DNAJC7: variants seen among roughly 807,000 people sequenced by gnomAD.
The protein encoded by DNAJC7 is DnaJ heat shock protein family (Hsp40) member C7, also known as dnaJ homolog subfamily C member 7.
A neutral mutation model predicts 67.4 loss-of-function variants in DNAJC7; 18 were observed. The ratio of observed to expected loss-of-function variants is 0.27; its 90% CI spans 0.18 to 0.40. The LOEUF (loss-of-function observed/expected upper bound fraction) is 0.40, where lower values mean the gene tolerates loss of function less well. DNAJC7 is among the 10% of genes least tolerant of loss of function. The probability of loss-of-function intolerance (pLI) is 1.00; values close to 1 mark genes in which losing one functional copy is unlikely to be tolerated. For synonymous variants in DNAJC7, 220 were observed against 207.8 expected, an observed-to-expected ratio of 1.06 and a Z score of -0.50; for missense variants, 419 against 613.8, an observed-to-expected ratio of 0.68 and a Z score of 3.35.
intron 1 of DNAJC7, chr17:42,016,369 T>C (rs1372318338): frequency 6.6e-6 from 1 of 152,200 alleles, no homozygotes; most frequent in Non-Finnish European, 1.5e-5. Flanking sequence ...ATATAAAGTA[T>C]GTTGCAAAGA....
chr17:41,994,319 G>C lies in DNAJC7; in HGVS notation c.480+551C>G, dbSNP rs576560417. ...CCACTGTACTCCAGCCTGGGTGACA[G>C]AGTGAAACTCCATCTCAAAAAACAA... On this transcript the variant is annotated intron_variant, in intron 5 of 13. Transcript: ENST00000457167. 3.3e-5 allele frequency among the ~76,000 whole-genome samples: 5 copies of C among 152,110 alleles called. No individual in the cohort carries two copies. In the South Asian group the frequency reaches 1.0e-3, roughly 32 times the overall value.
Position 41,976,671 on chromosome 17 carries a change from T to G in DNAJC7, c.*62A>C. On this transcript the variant is annotated 3_prime_UTR_variant, in exon 14 of 14. Coordinates refer to ENST00000457167, the MANE Select transcript of DNAJC7 (RefSeq NM_003315.4). ...TGATGAAGGGAGGAGGTGAACTGTTTCCACATTCAAGATTAAACTGAGTGA... is the reference window on the plus strand; with the variant it reads ...TGATGAAGGGAGGAGGTGAACTGTTGCCACATTCAAGATTAAACTGAGTGA... 2 of 1,592,316 alleles carry G rather than the reference T, an allele frequency of 1.3e-6. No individual in the cohort carries two copies. The highest frequency in any genetic ancestry group is 1.1e-5 in the South Asian group (1 of 89,614).
chr17:41,992,566 G>A (rs1228340621), intron 5 of DNAJC7: 2 of 152,218 alleles, frequency 1.3e-5, no homozygotes, highest in Non-Finnish European at 2.9e-5. Flanking sequence ...GAAAAGGAAT[G>A]AGGGGGCAGG....
intron 2 of DNAJC7, among the ~76,000 whole-genome samples, chr17:41,997,845 C>A (rs1397276002): frequency 6.6e-6 from 1 of 152,020 alleles, no homozygotes; most frequent in Non-Finnish European, 1.5e-5. Flanking sequence ...TGTGCCACCA[C>A]GCCTGGCTAA....
intron 1 of DNAJC7, among the ~76,000 whole-genome samples, chr17:42,001,598 A>G (rs1007216738): frequency 5.3e-5 from 8 of 152,192 alleles, no homozygotes; most frequent in Non-Finnish European, 8.8e-5. Flanking sequence ...GTACCTGATC[A>G]TTTTTGTTAT....
At chr17:41,994,006 G>GCA (rs1213333988) in intron 5 of DNAJC7, among the ~76,000 whole-genome samples, 3 of 146,788 alleles carry the variant, frequency 2.0e-5, no homozygotes, top group African/African-American at 7.6e-5. Flanking sequence ...TCACGCCACT[G>GCA]CACTCCAGCC....
rs1567954449 is a variant in DNAJC7 at position 41,981,839 on chromosome 17, G to GC, written c.1384+15dup. Reference sequence around the variant, plus strand: ...ACAGCTGTCAAATTCATCCCAGGCTGCCCCAGCCAACTCACCACCCATATT... The same window carrying GC: ...ACAGCTGTCAAATTCATCCCAGGCTGCCCCCAGCCAACTCACCACCCATATT... On this transcript the variant is annotated intron_variant, in intron 12 of 13. Transcript: ENST00000457167. 4.3e-6 allele frequency: 7 copies of GC among 1,610,446 alleles called. No individual in the cohort carries two copies. In the South Asian group the frequency reaches 5.5e-5, roughly 13 times the overall value.
At chr17:41,998,369 G>A (rs2051717480) in intron 2 of DNAJC7, among the ~76,000 whole-genome samples, 1 of 152,192 alleles carries the variant, frequency 6.6e-6, no homozygotes, top group African/African-American at 2.4e-5. Flanking sequence ...CTACTCAGGT[G>A]GCTAAGGCAT....
rs576726917 is a variant in DNAJC7 at position 41,980,604 on chromosome 17, C to T, written c.1384+1251G>A. On this transcript the variant is annotated intron_variant, in intron 12 of 13. Coordinates refer to ENST00000457167, the MANE Select transcript of DNAJC7 (RefSeq NM_003315.4). ...AATTTTTTTGGTATTTTGTATGTTG[C>T]CCAGGGTGGTCTTGAACTCCTGAGC... 6.6e-5 allele frequency among the ~76,000 whole-genome samples: 10 copies of T among 151,622 alleles called. No individual in the cohort carries two copies. In the South Asian group the frequency reaches 2.1e-3, roughly 32 times the overall value.
chr17:42,001,920 G>A (rs2051818258), intron 1 of DNAJC7, among the ~76,000 whole-genome samples: 1 of 152,174 alleles, frequency 6.6e-6, no homozygotes, highest in Non-Finnish European at 1.5e-5. Flanking sequence ...ACCTATAAAT[G>A]CTGACAGCTG....
At chr17:41,979,006 G>A (rs1555645424) in intron 12 of DNAJC7, among the ~76,000 whole-genome samples, 1 of 152,224 alleles carries the variant, frequency 6.6e-6, no homozygotes, top group East Asian at 1.9e-4. Flanking sequence ...CACTGAACTG[G>A]AGAGGACTCA....
chr17:41,997,092 A>G (rs376352520), intron 3 of DNAJC7, 23 bp downstream of exon 3: 6 of 1,613,726 alleles, frequency 3.7e-6, no homozygotes, highest in South Asian at 1.1e-5. Flanking sequence ...AGCCTTCCCC[A>G]AACAGCCCCA....
intron 1 of DNAJC7, among the ~76,000 whole-genome samples, chr17:42,006,796 C>CAAAGAAAA (rs2051972855): frequency 4.3e-5 from 1 of 23,322 alleles, no homozygotes; most frequent in African/African-American, 2.1e-4. Context: ...GACTCCGTCT[C>CAAAGAAAA]AAAAAAAAAA....
At chr17:41,979,950 G>C (rs1357937949) in intron 12 of DNAJC7, among the ~76,000 whole-genome samples, 1 of 151,640 alleles carries the variant, frequency 6.6e-6, no homozygotes, top group Non-Finnish European at 1.5e-5. Flanking sequence ...GACACAGCAA[G>C]ACTCCGTCTC....
chr17:41,996,758 G>C (rs1172803470), intron 3 of DNAJC7, among the ~76,000 whole-genome samples: 1 of 152,188 alleles, frequency 6.6e-6, no homozygotes, highest in Non-Finnish European at 1.5e-5. Flanking sequence ...ACTCCAGCCT[G>C]GGCGACAGAG....
chr17:41,988,217 T>G (rs2051430651), intron 8 of DNAJC7, among the ~76,000 whole-genome samples: 1 of 152,224 alleles, frequency 6.6e-6, no homozygotes, highest in African/African-American at 2.4e-5. Flanking sequence ...AGAGGTCACC[T>G]GCAGGGATCA....
chr17:42,009,345 G>GTCA (rs2052057284), intron 1 of DNAJC7, among the ~76,000 whole-genome samples: 1 of 152,162 alleles, frequency 6.6e-6, no homozygotes, highest in Non-Finnish European at 1.5e-5. Flanking sequence ...CACCAGAGGA[G>GTCA]TCACAGACTG....
In DNAJC7 at chr17:41,981,874, C is replaced by G; in HGVS notation, c.1365G>C (p.Glu455Asp). ...ACTCACCACCCATATTCATGCCCTCCTCATCTAGGTCCTGTCCACTGTCAT... is the reference window on the plus strand; with the variant it reads ...ACTCACCACCCATATTCATGCCCTCGTCATCTAGGTCCTGTCCACTGTCAT... Reference protein sequence around the residue: ...TRYDSGQDLDEEGMNMGDFDP... With the variant: ...TRYDSGQDLDDEGMNMGDFDP... The change falls in exon 12 of 14, where the codon GAG becomes GAC. Residue 455 changes from glutamate (E) to aspartate (D), a missense_variant. Coordinates refer to ENST00000457167, the MANE Select transcript of DNAJC7 (RefSeq NM_003315.4). The G allele has an allele frequency of 6.2e-7, 1 of 1,613,884 alleles. No individual in the cohort carries two copies. Among genetic ancestry groups the G allele is most frequent in the Non-Finnish European group, 8.5e-7 (1 of 1,179,846 alleles).
At chr17:41,980,053 T>C (rs1409950523) in intron 12 of DNAJC7, among the ~76,000 whole-genome samples, 1 of 114,014 alleles carries the variant, frequency 8.8e-6, no homozygotes, top group African/African-American at 4.5e-5. Flanking sequence ...TCAGGTCCTC[T>C]TTTTTTTTTT....
Sources: gnomAD v4.1 joint callset for allele counts (sites outside exome capture counted in the v4.1 genomes callset) on GRCh38, gnomAD v4.1.1 for gene constraint, MANE v1.5 for transcripts, NCBI Gene and HGNC (gene_info 2026-07-23, HGNC 2026-07-21) for gene names.